Variants in FLT3LG observed in about 807,000 individuals in gnomAD.
FLT3LG encodes fms-related tyrosine kinase 3 ligand.
In FLT3LG, 8 loss-of-function variants were observed where a neutral mutation model predicts 30.9. The observed-to-expected ratio is 0.26, with a 90% CI of 0.15 to 0.47. The LOEUF (loss-of-function observed/expected upper bound fraction) is 0.47. FLT3LG is among the 20% of genes least tolerant of loss of function. FLT3LG has a pLI of 0.99. For synonymous variants in FLT3LG, 123 were observed against 135.9 expected, an observed-to-expected ratio of 0.91 and a Z score of 0.66; for missense variants, 278 against 306.2, an observed-to-expected ratio of 0.91 and a Z score of 0.69.
In FLT3LG at chr19:49,480,535, C is replaced by T. The variant is rs760492175; in HGVS notation, c.661-17C>T. 4 of 1,612,018 alleles carry T rather than the reference C, an allele frequency of 2.5e-6. No homozygotes were observed. In the Admixed American group the frequency reaches 6.7e-5, roughly 27 times the overall value. On this transcript the variant is annotated splice_polypyrimidine_tract_variant and intron_variant, in intron 7 of 8. Coordinates refer to ENST00000597551, the MANE Select transcript of FLT3LG (RefSeq NM_001459.4). ...GAGAGGGTGGCCCACTTGTGGCTGA[C>T]ACTTTGGGGCCCACAGGTGCCCCCC... is the stretch of plus-strand genomic sequence containing the variant.
At chr19:49,479,734 C>A (rs2079535079) in intron 6 of FLT3LG, 1 of 171,500 alleles carries the variant, frequency 5.8e-6, no homozygotes, top group South Asian at 8.9e-5. Flanking sequence ...TCTCGATCTC[C>A]TGACCTCGTG....
chr19:49,476,972 T>A lies in FLT3LG; in HGVS notation c.342+406T>A, dbSNP rs967596761. 1.3e-5 allele frequency among the ~76,000 whole-genome samples: 2 copies of A among 149,710 alleles called. No individual in the cohort carries two copies. Among genetic ancestry groups the A allele is most frequent in the African/African-American group, 4.9e-5 (2 of 40,576 alleles). ...GACCAGCCTGGCCAACATGATGAAA[T>A]CCCGGCTGTACTAAAAATACAAAAA... On this transcript the variant is annotated intron_variant, in intron 5 of 8. Coordinates refer to ENST00000597551, the MANE Select transcript of FLT3LG (RefSeq NM_001459.4). The surrounding 1 kb of genome is among the most constrained non-coding windows in gnomAD (Gnocchi z 5.3).
chr19:49,479,496 AC>A (rs1273379254), intron 6 of FLT3LG, among the ~76,000 whole-genome samples: 2 of 104,556 alleles, frequency 1.9e-5, no homozygotes, highest in Non-Finnish European at 1.9e-5. Flanking sequence ...TGCCCAGCCT[AC>A]CTTTTTTTTT....
chr19:49,475,381 G>A (rs758544686), intron 2 of FLT3LG, among the ~76,000 whole-genome samples: 3 of 151,612 alleles, frequency 2.0e-5, no homozygotes, highest in Non-Finnish European at 4.4e-5. Context: ...GGACAGAGCT[G>A]GAGGAACCCG....
At chr19:49,475,835 TCC>T in intron 3 of FLT3LG, 34 bp downstream of exon 3, 1 of 1,565,876 alleles carries the variant, frequency 6.4e-7, no homozygotes, top group Non-Finnish European at 8.7e-7. Context: ...CCTCATGTGA[TCC>T]CCCTTCCCCC....
chr19:49,474,668 C>G lies in FLT3LG; in HGVS notation c.29C>G (p.Pro10Arg). The G allele has an allele frequency of 1.2e-6, 2 of 1,611,922 alleles. No homozygotes were observed. The highest frequency in any genetic ancestry group is 1.7e-6 in the Non-Finnish European group (2 of 1,179,574). ...ACAGTGCTGGCGCCAGCCTGGAGCCCAACAGTGCGTAAACCCCAGGGACAA... is the reference window on the plus strand; with the variant it reads ...ACAGTGCTGGCGCCAGCCTGGAGCCGAACAGTGCGTAAACCCCAGGGACAA... MTVLAPAWS[P>R]TTYLLLLLLL... The change falls in exon 2 of 9, where the codon CCA becomes CGA. Residue 10 changes from proline to arginine, a missense_variant. By Grantham distance (103) the Pro-to-Arg change is moderately radical (BLOSUM62 -2). This residue lies in a region of FLT3LG where 40 missense variants were observed against 34.3 expected (regional missense o/e 1.17). Transcript: ENST00000597551.
At position 49,474,595 on chromosome 19, in the gene FLT3LG, C is replaced by T. The variant is rs1207384885; in HGVS notation, c.-37-8C>T. ...GGGTCCGAGACTTGTTCTTCTGTCC[C>T]TTCCAAGACCCGGCGACAGGAGGCA... is the stretch of plus-strand genomic sequence containing the variant. On this transcript the variant is annotated splice_polypyrimidine_tract_variant and splice_region_variant and intron_variant, in intron 1 of 8. Coordinates refer to ENST00000597551, the MANE Select transcript of FLT3LG (RefSeq NM_001459.4). 2.5e-6 allele frequency: 4 copies of T among 1,607,784 alleles called. No individual in the cohort carries two copies. Among genetic ancestry groups the T allele is most frequent in the East Asian group, 2.2e-5 (1 of 44,652 alleles).
In FLT3LG at chr19:49,480,181, G is replaced by A. The variant is rs966783455; in HGVS notation, c.482-117G>A. 7.1e-5 allele frequency: 48 copies of A among 677,506 alleles called. No homozygotes were observed. The African/African-American group carries it at 8.7e-4, about 12-fold the overall frequency. 42.0% of individuals were successfully genotyped at this position (677,506 alleles called of 1,614,324 possible). A position where few individuals can be genotyped will look rare whatever the true frequency, so the allele number is the denominator to read the frequency against. ...CTAGTTTTACAGATGAGCAAACTGA[G>A]GCACAGAGAGGCCAAGCAGCCCATC... On this transcript the variant is annotated intron_variant, in intron 6 of 8. Coordinates refer to ENST00000597551, the MANE Select transcript of FLT3LG (RefSeq NM_001459.4).
intron 8 of FLT3LG, among the ~76,000 whole-genome samples, chr19:49,484,031 C>T (rs1047743838): frequency 7.3e-5 from 11 of 150,904 alleles, no homozygotes; most frequent in Non-Finnish European, 1.3e-4. Context: ...ACTACAGGCG[C>T]GTGCCACCAC....
Position 49,476,632 on chromosome 19 carries a change from C to A in FLT3LG, c.342+66C>A. The A allele has an allele frequency of 6.2e-7, 1 of 1,604,478 alleles. No individual in the cohort carries two copies. Among genetic ancestry groups the A allele is most frequent in the South Asian group, 1.1e-5 (1 of 90,524 alleles). ...GCCTTCCTACGAATTAGAAGTAAAG[C>A]TCCACTAGGCCTTATTGGCGATTTG... On this transcript the variant is annotated intron_variant, in intron 5 of 8. Coordinates refer to ENST00000597551, the MANE Select transcript of FLT3LG (RefSeq NM_001459.4). The surrounding 1 kb of genome is among the most constrained non-coding windows in gnomAD (Gnocchi z 5.3).
Position 49,476,266 on chromosome 19 carries a change from G to T in FLT3LG, c.198+68G>T. 1 of 1,471,396 alleles carries T rather than the reference G, an allele frequency of 6.8e-7. No homozygotes were observed. Among genetic ancestry groups the T allele is most frequent in the Non-Finnish European group, 9.5e-7 (1 of 1,056,574 alleles). 91.1% of individuals were successfully genotyped at this position (1,471,396 alleles called of 1,614,324 possible). ...CAGACTCAAGATGCTCCACCGAGGC[G>T]AGTGGATAACCAGGCCCTCCCCTCC... On this transcript the variant is annotated intron_variant, in intron 4 of 8. Coordinates refer to ENST00000597551, the MANE Select transcript of FLT3LG (RefSeq NM_001459.4). This position sits in a 1 kb window ranked among gnomAD's most constrained non-coding sequence, Gnocchi z 5.3.
At position 49,485,422 on chromosome 19, in the gene FLT3LG, T is replaced by C. The variant is rs115383075; in HGVS notation, c.*22-593T>C. Among the ~76,000 whole-genome samples the C allele has an allele frequency of 4.6e-3, 693 of 151,714 alleles. 2 individuals carry two copies. The highest frequency in any genetic ancestry group is 0.016 in the African/African-American group (667 of 41,378). On this transcript the variant is annotated intron_variant, in intron 8 of 8. Transcript: ENST00000597551. Reference sequence around the variant, plus strand: ...GCACCACCATGCCTAGCAAATTTTGTTTTTGTTTTTGTTTTTTTCTTTTGA... The same window carrying C: ...GCACCACCATGCCTAGCAAATTTTGCTTTTGTTTTTGTTTTTTTCTTTTGA...
intron 2 of FLT3LG, among the ~76,000 whole-genome samples, chr19:49,475,454 G>A (rs535687613): frequency 1.2e-4 from 18 of 151,712 alleles, no homozygotes; most frequent in Admixed American, 1.1e-3. Flanking sequence ...GGGGGAGATG[G>A]GGAGAGAGAG....
At chr19:49,478,274 T>C (rs1190091266) in intron 5 of FLT3LG, among the ~76,000 whole-genome samples, 1 of 151,562 alleles carries the variant, frequency 6.6e-6, no homozygotes, top group Admixed American at 6.6e-5. Flanking sequence ...AAGACCATCC[T>C]GGCTAACACA....
chr19:49,475,819 G>T lies in FLT3LG; in HGVS notation c.144+18G>T. On this transcript the variant is annotated intron_variant, in intron 3 of 8. Coordinates refer to ENST00000597551, the MANE Select transcript of FLT3LG (RefSeq NM_001459.4). Reference sequence around the variant, plus strand: ...GTGAGCTGGTGAGCGGCGCTGCCCCGGACCCCCTCATGTGATCCCCCTTCC... The same window carrying T: ...GTGAGCTGGTGAGCGGCGCTGCCCCTGACCCCCTCATGTGATCCCCCTTCC... 1 of 1,472,362 alleles carries T rather than the reference G, an allele frequency of 6.8e-7. No individual in the cohort carries two copies. 91.2% of individuals were successfully genotyped at this position (1,472,362 alleles called of 1,614,324 possible). A position where few individuals can be genotyped will look rare whatever the true frequency, so the allele number is the denominator to read the frequency against.
chr19:49,475,546 C>A, intron 2 of FLT3LG, 145 bp from the exon 3 acceptor site: 2 of 1,058,064 alleles, frequency 1.9e-6, no homozygotes, highest in South Asian at 1.6e-5. Context: ...AGAGATGGGG[C>A]CATGTCTCCA....
rs2079382191 is a variant in FLT3LG at position 49,476,029 on chromosome 19, G to A, written c.145-116G>A. 1 of 1,226,614 alleles carries A rather than the reference G, an allele frequency of 8.2e-7. No homozygotes were observed. The highest frequency in any genetic ancestry group is 1.2e-5 in the South Asian group (1 of 82,380). 76.0% of individuals were successfully genotyped at this position (1,226,614 alleles called of 1,614,324 possible). ...GGCAAGGTTCTGTGGCTTCTTCTGG[G>A]CTCCCCCTCTCTTGGTCTTGTCCCT... On this transcript the variant is annotated intron_variant, in intron 3 of 8. Coordinates refer to ENST00000597551, the MANE Select transcript of FLT3LG (RefSeq NM_001459.4). This position sits in a 1 kb window ranked among gnomAD's most constrained non-coding sequence, Gnocchi z 5.3.
intron 8 of FLT3LG, 190 bp downstream of exon 8, chr19:49,480,810 T>C (rs1216917615): frequency 1.7e-6 from 1 of 597,368 alleles, no homozygotes; most frequent in Non-Finnish European, 2.9e-6. Flanking sequence ...GGCGGGTGGA[T>C]CACTTGAGGT....
intron 8 of FLT3LG, chr19:49,481,600 C>A (rs775894507): frequency 6.6e-6 from 1 of 152,398 alleles, no homozygotes; most frequent in African/African-American, 2.4e-5. Flanking sequence ...GAGGCCCCAG[C>A]GGGTCCCCTA....
Sources: gnomAD v4.1 joint callset for allele counts (sites outside exome capture counted in the v4.1 genomes callset) on GRCh38, gnomAD v4.1.1 for gene constraint, gnomAD v4.1.1 regional missense constraint, Gnocchi (gnomAD v3.1) non-coding constraint, MANE v1.5 for transcripts, NCBI Gene and HGNC (gene_info 2026-07-23, HGNC 2026-07-21) for gene names.